FHL5: variants seen among roughly 807,000 people sequenced by gnomAD.
FHL5 encodes four and a half LIM domains 5.
A neutral mutation model predicts 32.0 loss-of-function variants in FHL5; 33 were observed. The observed-to-expected ratio is 1.03, with a 90% CI of 0.78 to 1.38. FHL5 has a LOEUF of 1.38. Among genes scored for constraint, FHL5 ranks in the 40% most tolerant of loss-of-function variants. FHL5 has a pLI of 0.00. For missense variants in FHL5, 336 were observed against 343.9 expected, an observed-to-expected ratio of 0.98 and a Z score of 0.18; for synonymous variants, 114 against 113.6, an observed-to-expected ratio of 1.00 and a Z score of -0.02.
At chr6:96,592,630 G>A (rs372605749) in intron 1 of FHL5, among the ~76,000 whole-genome samples, 21 of 152,196 alleles carry the variant, frequency 1.4e-4, no homozygotes, top group African/African-American at 5.1e-4. Context: ...AGTGGTAAGT[G>A]TCCAAGAAAT....
At chr6:96,572,943 C>T (rs1770510022) in intron 1 of FHL5, among the ~76,000 whole-genome samples, 1 of 152,172 alleles carries the variant, frequency 6.6e-6, no homozygotes, top group African/African-American at 2.4e-5. Context: ...TTCCATTGTT[C>T]TGGCTGTCTT....
intron 1 of FHL5, among the ~76,000 whole-genome samples, chr6:96,590,744 T>C (rs1770899080): frequency 6.6e-6 from 1 of 152,104 alleles, no homozygotes; most frequent in South Asian, 2.1e-4. Flanking sequence ...TTAAACCACA[T>C]TGAAGAAGTT....
At chr6:96,574,533 G>A (rs1052376236) in intron 1 of FHL5, among the ~76,000 whole-genome samples, 3 of 152,216 alleles carry the variant, frequency 2.0e-5, no homozygotes, top group African/African-American at 2.4e-5. Context: ...ATGTAAAAGC[G>A]ATGCTTAGGT....
chr6:96,563,394 T>C (rs922207434), intron 1 of FHL5, 39 bp downstream of exon 1: 13 of 152,296 alleles, frequency 8.5e-5, no homozygotes, highest in Admixed American at 8.5e-4. Flanking sequence ...TGTTTTGTTT[T>C]GTGGTATTTT....
intron 1 of FHL5, among the ~76,000 whole-genome samples, chr6:96,566,174 C>T (rs1446017750): frequency 2.6e-5 from 4 of 151,978 alleles, no homozygotes; most frequent in African/African-American, 4.8e-5. Flanking sequence ...TTTTCTGCTT[C>T]CAGTAAGCAC....
chr6:96,573,137 T>G (rs1770514716), intron 1 of FHL5, among the ~76,000 whole-genome samples: 1 of 152,250 alleles, frequency 6.6e-6, no homozygotes, highest in African/African-American at 2.4e-5. Flanking sequence ...TTCATTCATT[T>G]ATTGATCAGT....
chr6:96,581,533 G>A (rs186936271), intron 1 of FHL5, among the ~76,000 whole-genome samples: 1 of 152,278 alleles, frequency 6.6e-6, no homozygotes, highest in African/African-American at 2.4e-5. Context: ...TGTGTTACAG[G>A]TTTCATCCTT....
intron 5 of FHL5, among the ~76,000 whole-genome samples, chr6:96,614,512 T>A (rs976681007): frequency 1.3e-5 from 2 of 152,212 alleles, no homozygotes; most frequent in African/African-American, 2.4e-5. Context: ...AAGTTCATTA[T>A]CCTATTTAAG....
Position 96,615,626 on chromosome 6 carries a change from T to C in FHL5, c.709T>C (p.Phe237Leu). 6.2e-7 allele frequency: 1 copy of C among 1,609,964 alleles called. No homozygotes were observed. Among genetic ancestry groups the C allele is most frequent in the Non-Finnish European group, 8.5e-7 (1 of 1,178,176 alleles). ...KPISGLTGAK[F>L]ICFQDSQWHS... ...CTTTACAGGTCTCACAGGTGCCAAG[T>C]TTATCTGCTTTCAAGACAGCCAGTG... Residue 237 changes from phenylalanine (F) to leucine (L), a missense_variant, in exon 6 of 6, where the codon TTT (phenylalanine) becomes CTT (leucine). By Grantham distance (22) the Phe-to-Leu change is conservative. Transcript: ENST00000450218.
Position 96,604,724 on chromosome 6 carries a change from A to C in FHL5, c.160-26A>C, listed in dbSNP as rs1024940271. The C allele has an allele frequency of 7.0e-6, 11 of 1,580,838 alleles. No individual in the cohort carries two copies. In the African/African-American group the frequency reaches 1.2e-4, roughly 17 times the overall value. The stretch of plus-strand genomic sequence containing the variant: ...GCCTGTATTGTCACAACCACATTTA[A>C]TTAACTTTTATTTACTGTCTCAAAG... On this transcript the variant is annotated intron_variant, in intron 2 of 5. Transcript: ENST00000450218.
intron 3 of FHL5, 116 bp from the exon 4 acceptor site, chr6:96,605,786 G>A (rs1771263018): frequency 1.2e-6 from 1 of 836,056 alleles, no homozygotes. Flanking sequence ...TTTTCTAAAA[G>A]GACAATTCAT....
chr6:96,610,777 T>C lies in FHL5; in HGVS notation c.691+19T>C, dbSNP rs1219152742. The C allele has an allele frequency of 8.3e-6, 13 of 1,562,730 alleles. No individual in the cohort carries two copies. Among genetic ancestry groups the C allele is most frequent in the Non-Finnish European group, 1.1e-5 (12 of 1,138,486 alleles). On this transcript the variant is annotated intron_variant, in intron 5 of 5. Transcript: ENST00000450218. ...ATTAGTGGTGAGTTCTTCAGTTCAATATGATCATGCCATGAGACAGTTATG... is the reference window on the plus strand; with the variant it reads ...ATTAGTGGTGAGTTCTTCAGTTCAACATGATCATGCCATGAGACAGTTATG...
At chr6:96,593,425 T>C (rs1453017063) in intron 1 of FHL5, among the ~76,000 whole-genome samples, 1 of 152,170 alleles carries the variant, frequency 6.6e-6, no homozygotes, top group African/African-American at 2.4e-5. Flanking sequence ...TCAGACAGGA[T>C]GTGTATTTAT....
rs1771559280 is a variant in FHL5, at chr6:96,618,114, AG to A, written c.*2343del. Reference sequence around the variant, plus strand: ...ATAGCACACATATGCAAAACAACTAAGAAAAAGACCTCCTTAGGTCTTTGCG... The same window carrying A: ...ATAGCACACATATGCAAAACAACTAAAAAAAGACCTCCTTAGGTCTTTGCG... On this transcript the variant is annotated 3_prime_UTR_variant, in exon 6 of 6. Coordinates refer to ENST00000450218, the MANE Select transcript of FHL5 (RefSeq NM_001322466.2). 4.6e-5 allele frequency among the ~76,000 whole-genome samples: 7 copies of A among 152,254 alleles called. No individual in the cohort carries two copies. The South Asian group carries it at 1.2e-3, about 27-fold the overall frequency.
chr6:96,607,540 C>T (rs1011669638), intron 4 of FHL5, among the ~76,000 whole-genome samples: 3 of 152,116 alleles, frequency 2.0e-5, no homozygotes, highest in Non-Finnish European at 4.4e-5. Context: ...CTGAGAATTA[C>T]AATTGATCAC....
At chr6:96,563,497 C>T (rs1770290543) in intron 1 of FHL5, 142 bp downstream of exon 1, 1 of 151,860 alleles carries the variant, frequency 6.6e-6, no homozygotes, top group Admixed American at 6.6e-5. Context: ...AAGTGTATGC[C>T]TTTTGAAGTT....
intron 4 of FHL5, among the ~76,000 whole-genome samples, chr6:96,608,218 T>A (rs908323745): frequency 6.6e-6 from 1 of 152,148 alleles, no homozygotes; most frequent in Non-Finnish European, 1.5e-5. Context: ...GAGTGAAACT[T>A]CTTTAGTACA....
At chr6:96,592,367 T>C (rs2127967532) in intron 1 of FHL5, among the ~76,000 whole-genome samples, 1 of 152,306 alleles carries the variant, frequency 6.6e-6, no homozygotes. Context: ...ACGGCTCTGT[T>C]CCGCCCAGCT....
chr6:96,584,554 A>C (rs1770760988), intron 1 of FHL5, among the ~76,000 whole-genome samples: 1 of 151,810 alleles, frequency 6.6e-6, no homozygotes, highest in Admixed American at 6.6e-5. Context: ...AGATAATCAA[A>C]GATCTCTATG....
Sources: allele counts gnomAD v4.1 joint callset (sites outside exome capture counted in the v4.1 genomes callset), GRCh38; gene constraint gnomAD v4.1.1; transcripts MANE v1.5; gene names NCBI Gene and HGNC (gene_info 2026-07-23, HGNC 2026-07-21).